TMEM17: variants seen among roughly 807,000 people sequenced by gnomAD.
TMEM17 encodes the protein transmembrane protein 17.
A neutral mutation model predicts 19.1 loss-of-function variants in TMEM17; 15 were observed. That is an observed-to-expected ratio of 0.78 (90% CI 0.52 to 1.21). The LOEUF is 1.21. Among genes scored for constraint, TMEM17 ranks in the 50% most tolerant of loss-of-function variants. TMEM17 has a pLI of 0.00. For synonymous variants in TMEM17, 103 were observed against 86.9 expected (o/e 1.19, Z -1.03); for missense variants, 245 against 242.3 (o/e 1.01, Z -0.07).
chr2:62,468,764 G>A, the TMEM17 span, among the ~76,000 whole-genome samples: 6 of 152,250 alleles, frequency 3.9e-5, no homozygotes, highest in Admixed American at 3.9e-4. Flanking sequence ...CAGCAAGGCC[G>A]ATTCAGGGGG....
At chr2:62,469,127 A>G in the TMEM17 span, among the ~76,000 whole-genome samples, 1 of 152,264 alleles carries the variant, frequency 6.6e-6, no homozygotes, top group Non-Finnish European at 1.5e-5. Flanking sequence ...TAGTTAGCAT[A>G]AATGTGTACA....
In TMEM17 at chr2:62,501,245, G is replaced by A; in HGVS notation, c.561C>T (p.Asp187=). The A allele has an allele frequency of 1.9e-6, 3 of 1,614,170 alleles. No individual in the cohort carries two copies. Reference sequence around the variant, plus strand: ...CTATACATGACCTCATCCTTCTCATGTCTCCTCTGTTTGCAGAGAGCCGGT... The same window carrying A: ...CTATACATGACCTCATCCTTCTCATATCTCCTCTGTTTGCAGAGAGCCGGT... ...DFDRLSANRG[D]MRRMRSCIEE... The change falls in exon 4 of 4, where the codon GAC becomes GAT. Residue 187 remains aspartate, a synonymous_variant. Coordinates refer to ENST00000335390, the MANE Select transcript of TMEM17 (RefSeq NM_198276.3).
At chr2:62,471,636 C>T in the TMEM17 span, among the ~76,000 whole-genome samples, 1 of 152,226 alleles carries the variant, frequency 6.6e-6, no homozygotes, top group East Asian at 1.9e-4. Context: ...TCAATAAATG[C>T]ACCTATCCTG....
At chr2:62,456,692 TC>T in the TMEM17 span, among the ~76,000 whole-genome samples, 1 of 152,232 alleles carries the variant, frequency 6.6e-6, no homozygotes, top group East Asian at 1.9e-4. Context: ...AGCTCATGGT[TC>T]GGGGTTGGCT....
Position 62,501,248 on chromosome 2 carries a change from T to C in TMEM17, c.558A>G (p.Gly186=). The C allele has an allele frequency of 6.2e-7, 1 of 1,614,176 alleles. No individual in the cohort carries two copies. The highest frequency in any genetic ancestry group is 8.5e-7 in the Non-Finnish European group (1 of 1,180,020). ...TACATGACCTCATCCTTCTCATGTC[T>C]CCTCTGTTTGCAGAGAGCCGGTCAA... ...QDFDRLSANR[G]DMRRMRSCIE... is the part of the protein sequence containing the mutation. The change falls in exon 4 of 4, where the codon GGA becomes GGG. Residue 186 remains glycine, a synonymous_variant. Coordinates refer to ENST00000335390, the MANE Select transcript of TMEM17 (RefSeq NM_198276.3).
chr2:62,459,783 A>C, the TMEM17 span, among the ~76,000 whole-genome samples: 90 of 152,296 alleles, frequency 5.9e-4, no homozygotes, highest in South Asian at 7.5e-3. Context: ...AAAAATAGAG[A>C]TGGGGACTTG....
At chr2:62,470,403 G>A in the TMEM17 span, among the ~76,000 whole-genome samples, 1 of 152,204 alleles carries the variant, frequency 6.6e-6, no homozygotes, top group African/African-American at 2.4e-5. Context: ...CTCAATTCCT[G>A]CTTCCTCAAT....
At chr2:62,455,868 A>G in the TMEM17 span, among the ~76,000 whole-genome samples, 22 of 152,152 alleles carry the variant, frequency 1.4e-4, no homozygotes, top group Non-Finnish European at 2.4e-4. Flanking sequence ...CACTTTTGAC[A>G]TTTGTTATTG....
the TMEM17 span, among the ~76,000 whole-genome samples, chr2:62,460,188 C>T: frequency 6.6e-6 from 1 of 152,224 alleles, no homozygotes; most frequent in South Asian, 2.1e-4. Context: ...ACCAGCGCTG[C>T]TGTGACCTTA....
chr2:62,500,131 T>A (rs1679881372), downstream of TMEM17: 1 of 152,248 alleles, frequency 6.6e-6, no homozygotes, highest in African/African-American at 2.4e-5. Context: ...GAAAGTTCTC[T>A]AGGATTTGTT....
At chr2:62,473,971 ACTCTGCACAGC>A in the TMEM17 span, among the ~76,000 whole-genome samples, 2 of 151,970 alleles carry the variant, frequency 1.3e-5, no homozygotes, top group African/African-American at 4.8e-5. Context: ...GACGAGAAGG[ACTCTGCACAGC>A]CACAGGACCA....
intron 1 of TMEM17, among the ~76,000 whole-genome samples, chr2:62,505,614 A>T (rs981329162): frequency 6.6e-6 from 1 of 152,218 alleles, no homozygotes; most frequent in Non-Finnish European, 1.5e-5. Context: ...GTCATCCTGG[A>T]CAGAAAAGCC....
At chr2:62,467,223 C>A in the TMEM17 span, among the ~76,000 whole-genome samples, 1 of 151,494 alleles carries the variant, frequency 6.6e-6, no homozygotes, top group African/African-American at 2.4e-5. Context: ...CACCCCTGCA[C>A]CTGCCCCTTG....
At chr2:62,484,183 C>T in the TMEM17 span, among the ~76,000 whole-genome samples, 1 of 152,234 alleles carries the variant, frequency 6.6e-6, no homozygotes, top group African/African-American at 2.4e-5. Context: ...ATCTGCAGGG[C>T]CCTCTTTCTC....
the TMEM17 span, among the ~76,000 whole-genome samples, chr2:62,469,534 C>A: frequency 6.6e-6 from 1 of 152,226 alleles, no homozygotes; most frequent in Non-Finnish European, 1.5e-5. Context: ...TTCTTCTCCT[C>A]ACTTTCAGAG....
the TMEM17 span, among the ~76,000 whole-genome samples, chr2:62,460,212 A>G: frequency 3.9e-5 from 6 of 152,204 alleles, no homozygotes; most frequent in Non-Finnish European, 7.3e-5. Flanking sequence ...AATCCTCACA[A>G]CAAACCAATG....
At chr2:62,468,153 C>T in the TMEM17 span, among the ~76,000 whole-genome samples, 9 of 152,176 alleles carry the variant, frequency 5.9e-5, no homozygotes, top group East Asian at 1.9e-4. Flanking sequence ...CACTTCACCC[C>T]TGCTGGGTGA....
At chr2:62,502,309 T>G in intron 3 of TMEM17, 128 bp downstream of exon 3, 1 of 557,784 alleles carries the variant, frequency 1.8e-6, no homozygotes, top group Non-Finnish European at 3.2e-6. Flanking sequence ...GTGACAGAAG[T>G]GGTAAAGCTG....
chr2:62,457,068 T>A, the TMEM17 span, among the ~76,000 whole-genome samples: 1 of 152,176 alleles, frequency 6.6e-6, no homozygotes, highest in East Asian at 1.9e-4. This position sits in a 1 kb window ranked among gnomAD's most constrained non-coding sequence, Gnocchi z 4.2. Flanking sequence ...CCCGGGCCTC[T>A]CTGCTCTCCC....
Sources: gnomAD v4.1 joint callset for allele counts (sites outside exome capture counted in the v4.1 genomes callset) on GRCh38, gnomAD v4.1.1 for gene constraint, Gnocchi (gnomAD v3.1) non-coding constraint, MANE v1.5 for transcripts, NCBI Gene and HGNC (gene_info 2026-07-23, HGNC 2026-07-21) for gene names.